Variants in ARHGAP15 observed in about 807,000 individuals in gnomAD.
ARHGAP15 encodes the protein rho GTPase-activating protein 15.
A neutral mutation model predicts 63.7 loss-of-function variants in ARHGAP15; 51 were observed. The observed-to-expected ratio is 0.80, with a 90% confidence interval of 0.64 to 1.01. The LOEUF is 1.01. Among genes scored for constraint, ARHGAP15 ranks in the 50% least tolerant of loss-of-function variants. ARHGAP15 has a pLI of 0.00. For missense variants in ARHGAP15, 560 were observed against 564.6 expected (o/e 0.99, Z 0.08); for synonymous variants, 191 against 193.8 (o/e 0.99, Z 0.12).
intron 10 of ARHGAP15, among the ~76,000 whole-genome samples, chr2:143,551,078 C>T (rs1281507903): frequency 1.3e-5 from 2 of 152,096 alleles, no homozygotes; most frequent in African/African-American, 4.8e-5. Flanking sequence ...TCTGAGAAAT[C>T]AATAAATACC....
intron 11 of ARHGAP15, chr2:143,601,539 G>C (rs1338112732): frequency 6.6e-6 from 1 of 152,146 alleles, no homozygotes; most frequent in Non-Finnish European, 1.5e-5. Flanking sequence ...TGATTATTCT[G>C]ATGAAGTGGA....
At chr2:143,653,405 T>C (rs575479824) in intron 12 of ARHGAP15, among the ~76,000 whole-genome samples, 5 of 152,262 alleles carry the variant, frequency 3.3e-5, no homozygotes, top group African/African-American at 1.2e-4. Flanking sequence ...CTCCATCCTC[T>C]TCAATTTTGT....
intron 13 of ARHGAP15, among the ~76,000 whole-genome samples, chr2:143,755,247 G>A (rs369983613): frequency 3.4e-5 from 5 of 146,642 alleles, no homozygotes; most frequent in African/African-American, 1.0e-4. Flanking sequence ...TCTTTAATAG[G>A]TGCTCCCAAT....
At chr2:143,429,050 C>T (rs554376950) in intron 6 of ARHGAP15, among the ~76,000 whole-genome samples, 63 of 152,186 alleles carry the variant, frequency 4.1e-4, no homozygotes, top group Non-Finnish European at 2.2e-4. Context: ...CTTTTTGAGT[C>T]GTTTTTCATA....
chr2:143,375,952 G>C (rs1185784634), intron 6 of ARHGAP15, among the ~76,000 whole-genome samples: 1 of 152,208 alleles, frequency 6.6e-6, no homozygotes, highest in Admixed American at 6.5e-5. Context: ...AATGACAACA[G>C]AACAAGCTCA....
At chr2:143,352,517 T>C (rs558859403) in intron 6 of ARHGAP15, among the ~76,000 whole-genome samples, 2 of 152,292 alleles carry the variant, frequency 1.3e-5, no homozygotes, top group African/African-American at 4.8e-5. Context: ...CTTTCCATGA[T>C]GATCTATGGA....
chr2:143,684,902 C>A (rs546824400), intron 12 of ARHGAP15, among the ~76,000 whole-genome samples: 47 of 152,278 alleles, frequency 3.1e-4, no homozygotes, highest in African/African-American at 9.1e-4. Context: ...GAAGAGAGAC[C>A]TTTCCAGTCA....
chr2:143,646,650 T>C (rs529486463), intron 12 of ARHGAP15, among the ~76,000 whole-genome samples: 2 of 152,086 alleles, frequency 1.3e-5, no homozygotes, highest in Non-Finnish European at 2.9e-5. Context: ...GGGATTTATA[T>C]ATGCTGAAAA....
chr2:143,690,000 A>G (rs1290988302), intron 12 of ARHGAP15, among the ~76,000 whole-genome samples: 1 of 152,220 alleles, frequency 6.6e-6, no homozygotes, highest in East Asian at 1.9e-4. Flanking sequence ...CATTCACACT[A>G]CTTCTAAACA....
intron 8 of ARHGAP15, among the ~76,000 whole-genome samples, chr2:143,446,292 T>G (rs1454090400): frequency 6.6e-6 from 1 of 151,842 alleles, no homozygotes; most frequent in Non-Finnish European, 1.5e-5. Flanking sequence ...TATAAAATGA[T>G]TTCCATCTGG....
intron 8 of ARHGAP15, among the ~76,000 whole-genome samples, chr2:143,455,434 A>T (rs1690602920): frequency 6.6e-6 from 1 of 151,556 alleles, no homozygotes; most frequent in African/African-American, 2.4e-5. Context: ...CCTTGTACTG[A>T]CCTCCTATCT....
intron 5 of ARHGAP15, among the ~76,000 whole-genome samples, chr2:143,245,723 A>G (rs1694025280): frequency 6.6e-6 from 1 of 152,130 alleles, no homozygotes; most frequent in Non-Finnish European, 1.5e-5. Flanking sequence ...TTATTCTTGG[A>G]CAACTCAGGA....
intron 13 of ARHGAP15, among the ~76,000 whole-genome samples, chr2:143,728,085 G>A (rs1039751780): frequency 3.9e-5 from 6 of 152,154 alleles, no homozygotes; most frequent in South Asian, 4.1e-4. Flanking sequence ...CACACCAGGC[G>A]GCTTAAAAAG....
At chr2:143,142,173 G>A (rs1007754824) in intron 1 of ARHGAP15, among the ~76,000 whole-genome samples, 1 of 152,002 alleles carries the variant, frequency 6.6e-6, no homozygotes, top group Non-Finnish European at 1.5e-5. Context: ...AACAACATAT[G>A]TCTGTGGGTT....
chr2:143,233,572 T>G (rs780219646), intron 5 of ARHGAP15, among the ~76,000 whole-genome samples: 1 of 152,066 alleles, frequency 6.6e-6, no homozygotes, highest in Non-Finnish European at 1.5e-5. Flanking sequence ...TTATTTTTCC[T>G]GCCTGGATTG....
chr2:143,727,343 C>A (rs1186386850), intron 13 of ARHGAP15, among the ~76,000 whole-genome samples: 2 of 152,106 alleles, frequency 1.3e-5, no homozygotes, highest in African/African-American at 4.8e-5. Context: ...ACAGTCAATC[C>A]TGCACTTTGG....
intron 4 of ARHGAP15, chr2:143,228,263 TA>T (rs1278609618): frequency 5.7e-6 from 1 of 175,210 alleles, no homozygotes; most frequent in African/African-American, 2.4e-5. Context: ...TGGTTTGCTG[TA>T]AAAACATAAA....
intron 8 of ARHGAP15, among the ~76,000 whole-genome samples, chr2:143,483,625 T>A (rs958612541): frequency 1.8e-4 from 27 of 152,222 alleles, no homozygotes; most frequent in Non-Finnish European, 3.1e-4. Flanking sequence ...TATGGGACTT[T>A]GACTACAGCT....
intron 11 of ARHGAP15, among the ~76,000 whole-genome samples, chr2:143,575,614 T>C (rs1197860912): frequency 6.6e-6 from 1 of 152,156 alleles, no homozygotes; most frequent in Non-Finnish European, 1.5e-5. Context: ...ATGCAGACTT[T>C]TCATTTTCAT....
Sources: allele counts gnomAD v4.1 joint callset (sites outside exome capture counted in the v4.1 genomes callset), GRCh38; gene constraint gnomAD v4.1.1; transcripts MANE v1.5; gene names NCBI Gene and HGNC (gene_info 2026-07-23, HGNC 2026-07-21).